MYT1L: variants seen among roughly 807,000 people sequenced by gnomAD.
MYT1L encodes myelin transcription factor 1 like.
Under a neutral mutation model 126.7 loss-of-function variants are expected in MYT1L, and 12 were observed. The observed-to-expected ratio is 0.09, with a 90% CI of 0.06 to 0.15. MYT1L has a LOEUF of 0.15. MYT1L is among the 10% of genes least tolerant of loss of function. MYT1L has a pLI of 1.00. For missense variants in MYT1L, 979 were observed against 1,585.2 expected, an observed-to-expected ratio of 0.62 and a Z score of 6.49; for synonymous variants, 541 against 604.2, an observed-to-expected ratio of 0.90 and a Z score of 1.53.
chr2:2,224,742 C>T lies in MYT1L; in HGVS notation c.-420-51754G>A, dbSNP rs1351424368. ...GCTGAGACAGGAGAATGACATGAAC[C>T]CGGGAGGCGGAGCTTGCAGGGAGCT... On this transcript the variant is annotated intron_variant, in intron 2 of 24. Coordinates refer to ENST00000647738, the MANE Select transcript of MYT1L (RefSeq NM_001303052.2). This position sits in a 1 kb window ranked among gnomAD's most constrained non-coding sequence, Gnocchi z 4.0. 6.6e-6 allele frequency among the ~76,000 whole-genome samples: 1 copy of T among 151,938 alleles called. No homozygotes were observed. Among genetic ancestry groups the T allele is most frequent in the African/African-American group, 2.4e-5 (1 of 41,368 alleles).
intron 9 of MYT1L, among the ~76,000 whole-genome samples, chr2:1,937,273 T>C (rs1045646586): frequency 6.6e-6 from 1 of 152,218 alleles, no homozygotes; most frequent in Non-Finnish European, 1.5e-5. Context: ...GCAGCCATCA[T>C]TTCGCACATC....
intron 15 of MYT1L, 116 bp downstream of exon 15, chr2:1,891,921 G>T (rs569519633): frequency 3.8e-5 from 54 of 1,424,938 alleles, no homozygotes; most frequent in South Asian, 1.6e-4. Context: ...TGGTTTAGGA[G>T]ATCACGGCGT....
At chr2:2,112,509 G>C (rs796671244) in intron 3 of MYT1L, among the ~76,000 whole-genome samples, 10 of 152,306 alleles carry the variant, frequency 6.6e-5, no homozygotes, top group African/African-American at 2.4e-4. Context: ...ACGATGCAGT[G>C]TGTGGTGGGG....
At chr2:1,999,799 T>C (rs2062191188) in intron 4 of MYT1L, among the ~76,000 whole-genome samples, 1 of 152,222 alleles carries the variant, frequency 6.6e-6, no homozygotes, top group Non-Finnish European at 1.5e-5. Flanking sequence ...CAATGGAATA[T>C]TAGTAATAAT....
chr2:2,265,884 G>A (rs568588269), intron 2 of MYT1L, among the ~76,000 whole-genome samples: 1 of 152,264 alleles, frequency 6.6e-6, no homozygotes, highest in South Asian at 2.1e-4. Flanking sequence ...ATGGATGGAG[G>A]GAGGAAAACA....
intron 21 of MYT1L, among the ~76,000 whole-genome samples, chr2:1,815,464 A>T (rs571908299): frequency 2.6e-5 from 4 of 151,826 alleles, no homozygotes; most frequent in African/African-American, 9.7e-5. Context: ...TGTCCTTTCC[A>T]CCCTCTCCAC....
intron 3 of MYT1L, among the ~76,000 whole-genome samples, chr2:2,148,214 T>C (rs140442126): frequency 2.0e-5 from 3 of 152,310 alleles, no homozygotes; most frequent in African/African-American, 7.2e-5. Context: ...CCCAACCTTT[T>C]TGGCACCAAG....
Position 1,791,745 on chromosome 2 carries a change from G to T in MYT1L, c.*122C>A. 1 of 1,002,064 alleles carries T rather than the reference G, an allele frequency of 1.0e-6. No individual in the cohort carries two copies. The highest frequency in any genetic ancestry group is 1.4e-6 in the Non-Finnish European group (1 of 706,110). 62.1% of individuals were successfully genotyped at this position (1,002,064 alleles called of 1,614,324 possible). On this transcript the variant is annotated 3_prime_UTR_variant, in exon 25 of 25. Coordinates refer to ENST00000647738, the MANE Select transcript of MYT1L (RefSeq NM_001303052.2). The surrounding 1 kb of genome is among the most constrained non-coding windows in gnomAD (Gnocchi z 6.0). ...AGACATAAAATCATTATGAAGTCTT[G>T]TAAGCATAACACTGTTTCAAATTCA...
At chr2:1,919,710 TTTTAA>T (rs527947707) in intron 10 of MYT1L, among the ~76,000 whole-genome samples, 3 of 151,346 alleles carry the variant, frequency 2.0e-5, no homozygotes, top group East Asian at 3.9e-4. Flanking sequence ...ACAATTTTAG[TTTTAA>T]TTTAATTTAA....
chr2:2,022,735 G>A (rs1666015988), intron 4 of MYT1L, among the ~76,000 whole-genome samples: 1 of 151,816 alleles, frequency 6.6e-6, no homozygotes, highest in Non-Finnish European at 1.5e-5. Flanking sequence ...CACAATATGT[G>A]GGTGCACAAT....
At chr2:1,873,093 C>T (rs948739975) in intron 18 of MYT1L, among the ~76,000 whole-genome samples, 8 of 152,162 alleles carry the variant, frequency 5.3e-5, no homozygotes, top group South Asian at 2.1e-4. Context: ...GTGCTGCTGA[C>T]GGGTGGAGAG....
chr2:2,149,981 T>A (rs1048770359), intron 3 of MYT1L, among the ~76,000 whole-genome samples: 2 of 152,226 alleles, frequency 1.3e-5, no homozygotes, highest in African/African-American at 4.8e-5. Context: ...GTCAACATAG[T>A]GATCACATCC....
chr2:2,136,388 G>A (rs1305490087), intron 3 of MYT1L, among the ~76,000 whole-genome samples: 1 of 152,152 alleles, frequency 6.6e-6, no homozygotes, highest in Non-Finnish European at 1.5e-5. Flanking sequence ...TGATATCCAG[G>A]AAACTGTTAA....
At chr2:2,000,110 A>G (rs1037908269) in intron 4 of MYT1L, among the ~76,000 whole-genome samples, 1 of 152,186 alleles carries the variant, frequency 6.6e-6, no homozygotes, top group African/African-American at 2.4e-5. Context: ...CTCCAGAACA[A>G]AGTACTGCAC....
In MYT1L at chr2:2,224,210, T is replaced by C. The variant is rs2093953401; in HGVS notation, c.-420-51222A>G. 6.6e-6 allele frequency among the ~76,000 whole-genome samples: 1 copy of C among 152,118 alleles called. No homozygotes were observed. The highest frequency in any genetic ancestry group is 2.1e-4 in the South Asian group (1 of 4,828). Reference sequence around the variant, plus strand: ...TTCTGCCTTTCTTATAGGGAAGAATTCTGTGACGAGTTGGCCCCTCCTTGC... The same window carrying C: ...TTCTGCCTTTCTTATAGGGAAGAATCCTGTGACGAGTTGGCCCCTCCTTGC... On this transcript the variant is annotated intron_variant, in intron 2 of 24. Coordinates refer to ENST00000647738, the MANE Select transcript of MYT1L (RefSeq NM_001303052.2). This position sits in a 1 kb window ranked among gnomAD's most constrained non-coding sequence, Gnocchi z 4.0.
In MYT1L at chr2:1,848,410, T is replaced by C. The variant is rs148339270; in HGVS notation, c.2774+3231A>G. On this transcript the variant is annotated intron_variant, in intron 19 of 24. Transcript: ENST00000647738. The surrounding 1 kb of genome is among the most constrained non-coding windows in gnomAD (Gnocchi z 4.8). ...ACCACAGGTGCGCGAGGCGGATCTG[T>C]GCTCTGAACAGGTTCAGGATCATTG... Among the ~76,000 whole-genome samples the C allele has an allele frequency of 2.6e-5, 4 of 151,448 alleles. No homozygotes were observed. The highest frequency in any genetic ancestry group is 2.0e-4 in the Admixed American group (3 of 15,260).
chr2:1,820,541 T>TTTG lies in MYT1L; in HGVS notation c.3081-11377_3081-11375dup, dbSNP rs538205555. Reference sequence around the variant, plus strand: ...ACTAACATCTACCATCAGTTGGCTTTTTGTTGTTGTTGTTGTTGTTGTTGA... The same window carrying TTTG: ...ACTAACATCTACCATCAGTTGGCTTTTTGTTGTTGTTGTTGTTGTTGTTGTTGA... On this transcript the variant is annotated intron_variant, in intron 21 of 24. Coordinates refer to ENST00000647738, the MANE Select transcript of MYT1L (RefSeq NM_001303052.2). Among the ~76,000 whole-genome samples, 221 of 152,026 alleles carry TTTG rather than the reference T, an allele frequency of 1.5e-3. 1 individual carries two copies. The highest frequency in any genetic ancestry group is 3.4e-3 in the Middle Eastern group (1 of 294).
chr2:1,902,472 G>A (rs1386526909), intron 14 of MYT1L, among the ~76,000 whole-genome samples: 1 of 152,202 alleles, frequency 6.6e-6, no homozygotes, highest in Non-Finnish European at 1.5e-5. Context: ...GCGACAAGGA[G>A]GCCACCAGCT....
intron 2 of MYT1L, among the ~76,000 whole-genome samples, chr2:2,187,919 A>T (rs1298476745): frequency 6.6e-6 from 1 of 152,146 alleles, no homozygotes; most frequent in African/African-American, 2.4e-5. Context: ...CTCTCCATAT[A>T]TATAATAAAC....
Sources: gnomAD v4.1 joint callset for allele counts (sites outside exome capture counted in the v4.1 genomes callset) on GRCh38, gnomAD v4.1.1 for gene constraint, Gnocchi (gnomAD v3.1) non-coding constraint, MANE v1.5 for transcripts, NCBI Gene and HGNC (gene_info 2026-07-23, HGNC 2026-07-21) for gene names.